The following PDE11A variants were observed in gnomAD, a reference collection of about 807,000 sequenced individuals.
PDE11A encodes dual 3',5'-cyclic-AMP and -GMP phosphodiesterase 11A.
PDE11A carries 100 observed loss-of-function variants against 100.5 expected under a neutral mutation model. The observed-to-expected ratio is 1.00, with a 90% CI of 0.85 to 1.18. PDE11A has a LOEUF of 1.18. Ranked by LOEUF, PDE11A falls within the 50% of genes most tolerant of loss-of-function variation. The pLI is 0.00. For missense variants in PDE11A, 1,141 were observed against 1,152.6 expected (o/e 0.99, Z 0.15); for synonymous variants, 381 against 420.8 (o/e 0.91, Z 1.16).
In PDE11A at chr2:177,804,037, C is replaced by T. The variant is rs184322827; in HGVS notation, c.1737+12792G>A. Among the ~76,000 whole-genome samples, 107 of 152,090 alleles carry T rather than the reference C, an allele frequency of 7.0e-4. 1 individual carries two copies. Among genetic ancestry groups the T allele is most frequent in the African/African-American group, 2.5e-3 (102 of 41,542 alleles). Reference sequence around the variant, plus strand: ...AGACAAAATCCTAGGGAGGACTCTTCTGGACATTGGCCTAGGCAAAGAATT... The same window carrying T: ...AGACAAAATCCTAGGGAGGACTCTTTTGGACATTGGCCTAGGCAAAGAATT... On this transcript the variant is annotated intron_variant, in intron 9 of 19. Coordinates refer to ENST00000286063, the MANE Select transcript of PDE11A (RefSeq NM_016953.4).
chr2:178,025,723 A>G (rs151159377), intron 1 of PDE11A, among the ~76,000 whole-genome samples: 229 of 152,324 alleles, frequency 1.5e-3, no homozygotes, highest in African/African-American at 5.4e-3. Context: ...ACCTAGAGTT[A>G]AAATGCAACC....
intron 19 of PDE11A, among the ~76,000 whole-genome samples, chr2:177,634,940 G>A (rs1198368987): frequency 1.3e-5 from 2 of 152,116 alleles, no homozygotes; most frequent in African/African-American, 2.4e-5. Flanking sequence ...GAGAAGGGGG[G>A]AAACTTAGCA....
chr2:178,004,272 CAAAGAAAAGGAAAAAA>C (rs1467256927), intron 2 of PDE11A, among the ~76,000 whole-genome samples: 10 of 150,536 alleles, frequency 6.6e-5, no homozygotes, highest in Non-Finnish European at 1.0e-4. Context: ...ATCTTATCAC[CAAAGAAAAGGAAAAAA>C]AATCCAAGAA....
At chr2:177,911,103 C>A (rs1056095685) in intron 2 of PDE11A, among the ~76,000 whole-genome samples, 2 of 152,140 alleles carry the variant, frequency 1.3e-5, no homozygotes. Context: ...TCACTTCTGC[C>A]CTCAGGCAGT....
chr2:177,734,035 C>T (rs1297533153), intron 10 of PDE11A, among the ~76,000 whole-genome samples: 2 of 152,322 alleles, frequency 1.3e-5, no homozygotes, highest in South Asian at 2.1e-4. Flanking sequence ...CTATGCCAAG[C>T]GAGGGTCCCC....
rs550134024 is a variant in PDE11A, at chr2:177,773,502, T to C, written c.1738-4129A>G. 2.6e-4 allele frequency among the ~76,000 whole-genome samples: 40 copies of C among 152,354 alleles called. No individual in the cohort carries two copies. In the South Asian group the frequency reaches 8.1e-3, roughly 31 times the overall value. On this transcript the variant is annotated intron_variant, in intron 9 of 19. Transcript: ENST00000286063. ...GGTTACTTTTTCATGATTCTTAAAT[T>C]TCATGGGCCACATCTTAGACCTAAA... is the stretch of plus-strand genomic sequence containing the variant.
At chr2:178,104,005 C>T (rs993368391) in intron 2 of PDE11A, among the ~76,000 whole-genome samples, 3 of 152,080 alleles carry the variant, frequency 2.0e-5, no homozygotes, top group Admixed American at 2.0e-4. Flanking sequence ...CATTATACCA[C>T]TAAAATATGA....
At position 177,625,077 on chromosome 2, in the gene PDE11A, G is replaced by C. The variant is rs1316303084; in HGVS notation, c.*4330C>G. The C allele has an allele frequency of 1.3e-5, 2 of 152,524 alleles. No homozygotes were observed. Among genetic ancestry groups the C allele is most frequent in the Non-Finnish European group, 2.9e-5 (2 of 68,022 alleles). 9.4% of individuals were successfully genotyped at this position (152,524 alleles called of 1,614,324 possible). ...AGAGCAAGACCCTGTCTCAAAAAAA[G>C]GACATATCTTTTTTTAAATTGTATT... is the stretch of plus-strand genomic sequence containing the variant. On this transcript the variant is annotated 3_prime_UTR_variant, in exon 20 of 20. Transcript: ENST00000286063.
intron 1 of PDE11A, among the ~76,000 whole-genome samples, chr2:178,053,452 A>G (rs2086854936): frequency 6.6e-6 from 1 of 152,236 alleles, no homozygotes; most frequent in Admixed American, 6.5e-5. Context: ...GAAAACTGGC[A>G]GAAGACAGGG....
intron 1 of PDE11A, among the ~76,000 whole-genome samples, chr2:178,043,455 A>G (rs1395847617): frequency 1.3e-5 from 2 of 152,224 alleles, no homozygotes; most frequent in Non-Finnish European, 2.9e-5. Flanking sequence ...CAGATGGCTC[A>G]TAACTTTGGC....
chr2:178,020,924 GGTGTGTGTGTGTGTGTGTGTGT>G (rs532087273), intron 1 of PDE11A, among the ~76,000 whole-genome samples: 32 of 125,792 alleles, frequency 2.5e-4, no homozygotes, highest in Middle Eastern at 4.0e-3. Flanking sequence ...TTTTTGTCTT[GGTGTGTGTGTGTGTGTGTGTGT>G]GTGTGTGTGT....
At position 177,729,011 on chromosome 2, in the gene PDE11A, T is replaced by C. The variant is rs181596963; in HGVS notation, c.1789-839A>G. ...TGGTAAGGGAGTCACTTTTATATTT[T>C]CAGGTTATCAGAGACCATTCTGTAT... On this transcript the variant is annotated intron_variant, in intron 10 of 19. Coordinates refer to ENST00000286063, the MANE Select transcript of PDE11A (RefSeq NM_016953.4). Among the ~76,000 whole-genome samples, 6 of 152,314 alleles carry C rather than the reference T, an allele frequency of 3.9e-5. No homozygotes were observed. In the East Asian group the frequency reaches 9.6e-4, roughly 24 times the overall value.
chr2:178,085,091 GC>G (rs1055723542), intron 2 of PDE11A, among the ~76,000 whole-genome samples: 2 of 152,194 alleles, frequency 1.3e-5, no homozygotes, highest in African/African-American at 4.8e-5. Context: ...CAGTCTATAT[GC>G]CATGTGAATG....
At chr2:178,107,285 G>A (rs1424160778) in intron 1 of PDE11A, among the ~76,000 whole-genome samples, 1 of 151,802 alleles carries the variant, frequency 6.6e-6, no homozygotes, top group Non-Finnish European at 1.5e-5. Flanking sequence ...GATAGCAAGG[G>A]ATAGAATATC....
chr2:177,963,684 T>A (rs1243487815), intron 2 of PDE11A, among the ~76,000 whole-genome samples: 1 of 34,524 alleles, frequency 2.9e-5, no homozygotes, highest in East Asian at 6.2e-4. Flanking sequence ...TGCAGAAATA[T>A]GATATCTGAA....
intron 3 of PDE11A, 40 bp from the exon 4 acceptor site, chr2:177,898,238 A>G (rs1220184334): frequency 2.2e-5 from 33 of 1,488,872 alleles, no homozygotes; most frequent in Non-Finnish European, 2.9e-5. Context: ...TGGATGTAAA[A>G]CTGAAAAAAA....
At chr2:177,818,045 G>C in intron 7 of PDE11A, 120 bp from the exon 8 acceptor site, 2 of 686,828 alleles carry the variant, frequency 2.9e-6, no homozygotes, top group Non-Finnish European at 5.4e-6. Flanking sequence ...TTAAACTCTG[G>C]TCTCTCAAGT....
intron 1 of PDE11A, among the ~76,000 whole-genome samples, chr2:178,054,091 C>T (rs552297787): frequency 5.6e-4 from 84 of 150,938 alleles, no homozygotes; most frequent in African/African-American, 1.9e-3. Flanking sequence ...GGAGGCGTCG[C>T]GCTACTGTAC....
chr2:177,970,154 C>T (rs973789228), intron 2 of PDE11A, among the ~76,000 whole-genome samples: 2 of 152,034 alleles, frequency 1.3e-5, no homozygotes, highest in African/African-American at 4.8e-5. Flanking sequence ...TCCAGAGACT[C>T]GAGAAGTAGT....
Sources: allele counts gnomAD v4.1 joint callset (sites outside exome capture counted in the v4.1 genomes callset), GRCh38; gene constraint gnomAD v4.1.1; transcripts MANE v1.5; gene names NCBI Gene and HGNC (gene_info 2026-07-23, HGNC 2026-07-21).